The following SLC4A4 variants were observed in gnomAD, a reference collection of about 807,000 sequenced individuals.
SLC4A4 encodes the protein solute carrier family 4 member 4, also known as electrogenic sodium bicarbonate cotransporter 1.
SLC4A4 carries 27 observed loss-of-function variants against 111.5 expected under a neutral mutation model. The ratio of observed to expected loss-of-function variants is 0.24; its 90% CI spans 0.18 to 0.33. The LOEUF (loss-of-function observed/expected upper bound fraction) is 0.33. Ranked by LOEUF, SLC4A4 falls within the 10% of genes least tolerant of loss-of-function variation. The probability of loss-of-function intolerance (pLI) is 1.00; values close to 1 mark genes in which losing one functional copy is unlikely to be tolerated. For synonymous variants in SLC4A4, 443 were observed against 463.4 expected (o/e 0.96, Z 0.57); for missense variants, 909 against 1,315.5 (o/e 0.69, Z 4.78).
intron 12 of SLC4A4, among the ~76,000 whole-genome samples, chr4:71,455,967 C>T (rs1418833565): frequency 1.3e-5 from 2 of 152,014 alleles, no homozygotes; most frequent in Non-Finnish European, 2.9e-5. Context: ...CTGGGAAAGG[C>T]CTTGCTGGTG....
At chr4:71,276,012 G>T (rs1578733250) in intron 3 of SLC4A4, among the ~76,000 whole-genome samples, 1 of 152,210 alleles carries the variant, frequency 6.6e-6, no homozygotes, top group Non-Finnish European at 1.5e-5. Context: ...TGACTGAACT[G>T]CAGTTTCCAA....
chr4:71,530,890 C>T (rs775709545), intron 16 of SLC4A4, among the ~76,000 whole-genome samples: 2 of 152,116 alleles, frequency 1.3e-5, no homozygotes, highest in South Asian at 4.1e-4. Flanking sequence ...CATCCAGCAG[C>T]ATCAGAAGCT....
chr4:71,555,847 C>A (rs529807121), intron 21 of SLC4A4, among the ~76,000 whole-genome samples: 30 of 151,774 alleles, frequency 2.0e-4, no homozygotes, highest in Non-Finnish European at 3.8e-4. Flanking sequence ...CCAGCCTCAA[C>A]AACATAGTGA....
chr4:71,123,129 A>C (rs1362212418), intron 2 of SLC4A4, among the ~76,000 whole-genome samples: 1 of 152,214 alleles, frequency 6.6e-6, no homozygotes, highest in Non-Finnish European at 1.5e-5. Context: ...GATATGGAAA[A>C]TAGGAGAGAA....
intron 16 of SLC4A4, among the ~76,000 whole-genome samples, chr4:71,526,215 C>T (rs184015091): frequency 6.6e-6 from 1 of 152,132 alleles, no homozygotes; most frequent in East Asian, 1.9e-4. Context: ...AAATCAATTT[C>T]CTTGACTGTG....
At chr4:71,406,218 A>C (rs770816494) in intron 7 of SLC4A4, among the ~76,000 whole-genome samples, 1 of 152,106 alleles carries the variant, frequency 6.6e-6, no homozygotes, top group Admixed American at 6.5e-5. Context: ...GCCAGACTGT[A>C]AAGTTAGTTA....
intron 1 of SLC4A4, among the ~76,000 whole-genome samples, chr4:71,207,600 AT>A (rs1245249401): frequency 1.3e-5 from 2 of 152,214 alleles, no homozygotes; most frequent in Admixed American, 1.3e-4. Context: ...GCCTTAGATG[AT>A]AATTTTTCTG....
At chr4:71,107,541 G>T (rs535679259) in intron 2 of SLC4A4, among the ~76,000 whole-genome samples, 145 of 151,956 alleles carry the variant, frequency 9.5e-4, no homozygotes, top group African/African-American at 3.4e-3. Context: ...GTAGAGACGG[G>T]GTTTCACCAT....
At chr4:71,128,421 G>A (rs1455436297) in intron 2 of SLC4A4, among the ~76,000 whole-genome samples, 1 of 152,244 alleles carries the variant, frequency 6.6e-6, no homozygotes, top group Non-Finnish European at 1.5e-5. Context: ...TGAGATTTGA[G>A]TGGGGACACA....
intron 12 of SLC4A4, among the ~76,000 whole-genome samples, chr4:71,459,814 A>G (rs926398207): frequency 6.6e-6 from 1 of 152,056 alleles, no homozygotes; most frequent in African/African-American, 2.4e-5. Flanking sequence ...ACTTGCTTAT[A>G]CCCTTGTAAA....
chr4:71,200,325 T>C (rs1746189789), intron 1 of SLC4A4, among the ~76,000 whole-genome samples: 1 of 152,230 alleles, frequency 6.6e-6, no homozygotes, highest in African/African-American at 2.4e-5. Context: ...TTTCTGATAA[T>C]TGAAGCTTAT....
At chr4:71,300,381 C>T (rs1020226331) in intron 3 of SLC4A4, 4 of 230,030 alleles carry the variant, frequency 1.7e-5, no homozygotes, top group Non-Finnish European at 2.7e-5. Flanking sequence ...CACCAGTGAG[C>T]AGGACACAAC....
At chr4:71,256,035 T>C (rs1009453531) in intron 3 of SLC4A4, among the ~76,000 whole-genome samples, 2 of 152,148 alleles carry the variant, frequency 1.3e-5, no homozygotes, top group African/African-American at 4.8e-5. Context: ...TAGGATAGGC[T>C]GTGTGTTTAG....
intron 4 of SLC4A4, among the ~76,000 whole-genome samples, chr4:71,348,985 CT>C (rs1716274976): frequency 6.6e-6 from 1 of 152,078 alleles, no homozygotes; most frequent in African/African-American, 2.4e-5. Context: ...TGAAAGAAGC[CT>C]TTTTGTTAGT....
At chr4:71,218,169 G>C (rs921105117) in intron 1 of SLC4A4, among the ~76,000 whole-genome samples, 1 of 152,238 alleles carries the variant, frequency 6.6e-6, no homozygotes, top group African/African-American at 2.4e-5. Context: ...TAAGAAGTGA[G>C]TGATGTTTTA....
chr4:71,429,744 A>T (rs1416489479), intron 7 of SLC4A4, among the ~76,000 whole-genome samples: 1 of 152,146 alleles, frequency 6.6e-6, no homozygotes, highest in African/African-American at 2.4e-5. Context: ...CATAAAATCC[A>T]GGCTGGTTAT....
intron 1 of SLC4A4, among the ~76,000 whole-genome samples, chr4:71,087,480 C>G (rs1372531223): frequency 6.6e-6 from 1 of 151,970 alleles, no homozygotes; most frequent in African/African-American, 2.4e-5. Context: ...TTCTCTAGTT[C>G]TTTTATTTGT....
intron 12 of SLC4A4, among the ~76,000 whole-genome samples, chr4:71,460,135 CT>C (rs953345131): frequency 1.6e-4 from 25 of 151,734 alleles, no homozygotes; most frequent in Middle Eastern, 3.2e-3. Flanking sequence ...TTTATGATTT[CT>C]TTTGCTGTAT....
At chr4:71,238,408 A>G (rs1719954436) in intron 2 of SLC4A4, among the ~76,000 whole-genome samples, 1 of 152,240 alleles carries the variant, frequency 6.6e-6, no homozygotes. Context: ...ACAAATCTGT[A>G]GCCAGGATTC....
Sources: allele counts gnomAD v4.1 joint callset (sites outside exome capture counted in the v4.1 genomes callset), GRCh38; gene constraint gnomAD v4.1.1; transcripts MANE v1.5; gene names NCBI Gene and HGNC (gene_info 2026-07-23, HGNC 2026-07-21).